ANKRD2: variants seen among roughly 807,000 people sequenced by gnomAD.
The protein encoded by ANKRD2 is ankyrin repeat domain-containing protein 2.
In ANKRD2, 35 loss-of-function variants were observed where a neutral mutation model predicts 37.3. That is an observed-to-expected ratio of 0.94 (90% CI 0.72 to 1.24). The LOEUF is 1.24. ANKRD2 is among the 50% of genes most tolerant of loss of function. The pLI, the probability that ANKRD2 is intolerant of heterozygous loss-of-function variation, is 0.00. For synonymous variants in ANKRD2, 159 were observed against 186.5 expected, an observed-to-expected ratio of 0.85 and a Z score of 1.20; for missense variants, 410 against 445.6, an observed-to-expected ratio of 0.92 and a Z score of 0.72.
At position 97,578,604 on chromosome 10, in the gene ANKRD2, A is replaced by C; in HGVS notation, c.455A>C (p.Gln152Pro). The C allele has an allele frequency of 6.4e-7, 1 of 1,553,280 alleles. No individual in the cohort carries two copies. The highest frequency in any genetic ancestry group is 8.7e-7 in the Non-Finnish European group (1 of 1,147,910). ...GGGGGGTCAGCCGACACGTGCGACC[A>C]GGTGATGCTCCTAGCCGCCCCTGAC... ...ADGGSADTCD[Q>P]FRRTALHRAS... is the part of the protein sequence containing the mutation. Residue 152 changes from glutamine (Q) to proline (P), a missense_variant and splice_region_variant, in exon 4 of 9, where the codon CAG becomes CCG. By Grantham distance (76) the Gln-to-Pro change is moderately conservative. Transcript: ENST00000370655.
At position 97,578,578 on chromosome 10, in the gene ANKRD2, C is replaced by CG. The variant is rs776347534; in HGVS notation, c.435dup (p.Ser146ValfsTer31). The CG allele has an allele frequency of 1.9e-5, 30 of 1,561,684 alleles. 2 individuals carry two copies. In the Middle Eastern group the frequency reaches 3.5e-3, roughly 183 times the overall value. On this transcript the variant is annotated frameshift_variant, in exon 4 of 9. Coordinates refer to ENST00000370655, the MANE Select transcript of ANKRD2 (RefSeq NM_001346793.2). LOFTEE classifies it high-confidence loss of function. ...AGGTCATTGAGAAGTTCCTGGCTGA[C>CG]GGGGGGTCAGCCGACACGTGCGACC...
At chr10:97,574,388 G>C (rs2040798115) in intron 1 of ANKRD2, among the ~76,000 whole-genome samples, 1 of 152,190 alleles carries the variant, frequency 6.6e-6, no homozygotes, top group Non-Finnish European at 1.5e-5. Flanking sequence ...CCAGCCTCAG[G>C]AAATGCAGGA....
chr10:97,573,654 T>C (rs1266183804), intron 1 of ANKRD2, among the ~76,000 whole-genome samples: 1 of 152,186 alleles, frequency 6.6e-6, no homozygotes, highest in African/African-American at 2.4e-5. Context: ...CTCAAACTCC[T>C]GGCCTCAGAT....
At chr10:97,572,751 A>C (rs1309114710), upstream of ANKRD2, 1 of 1,604,660 alleles carries the variant, frequency 6.2e-7, no homozygotes, top group Non-Finnish European at 8.5e-7. Flanking sequence ...GCTCTGGCCT[A>C]TAAAGCCCCC....
intron 1 of ANKRD2, among the ~76,000 whole-genome samples, chr10:97,577,028 C>G (rs577083109): frequency 6.7e-6 from 1 of 149,438 alleles, no homozygotes; most frequent in Admixed American, 6.7e-5. Flanking sequence ...GTCATTCTCT[C>G]TCTCTCTCAC....
chr10:97,580,748 C>T (rs2040886373), intron 4 of ANKRD2, 107 bp from the exon 5 acceptor site: 2 of 787,066 alleles, frequency 2.5e-6, no homozygotes, highest in Non-Finnish European at 4.1e-6. Context: ...GGGCCAAGCA[C>T]AGGGGTGAGA....
upstream of ANKRD2, chr10:97,572,555 T>A (rs2040770455): frequency 1.0e-6 from 1 of 958,230 alleles, no homozygotes; most frequent in African/African-American, 1.6e-5. Context: ...GCACCCCTGC[T>A]CTTGGGACAC....
At chr10:97,578,144 G>GGCCAC in intron 2 of ANKRD2, 96 bp from the exon 3 acceptor site, 1 of 685,446 alleles carries the variant, frequency 1.5e-6, no homozygotes, top group Non-Finnish European at 2.5e-6. Flanking sequence ...GGGTCTTCCT[G>GGCCAC]CCCACCCCAC....
chr10:97,577,575 T>C (rs1371051043), intron 1 of ANKRD2, among the ~76,000 whole-genome samples: 1 of 152,166 alleles, frequency 6.6e-6, no homozygotes, highest in Non-Finnish European at 1.5e-5. Flanking sequence ...AGTGGGCAGG[T>C]GTCTGAGCTC....
At position 97,576,940 on chromosome 10, in the gene ANKRD2, C is replaced by T. The variant is rs540205566; in HGVS notation, c.88-860C>T. On this transcript the variant is annotated intron_variant, in intron 1 of 8. Transcript: ENST00000370655. The stretch of plus-strand genomic sequence containing the variant: ...CTCGAACTCCTGGGCTCAAGCAATC[C>T]ACCTGCCTCGGCCTCCCAAAGTGCT... Among the ~76,000 whole-genome samples, 3 of 152,176 alleles carry T rather than the reference C, an allele frequency of 2.0e-5. No individual in the cohort carries two copies. In the East Asian group the frequency reaches 5.8e-4, roughly 29 times the overall value.
chr10:97,581,462 G>T, intron 6 of ANKRD2, 48 bp downstream of exon 6: 1 of 1,590,472 alleles, frequency 6.3e-7, no homozygotes, highest in Non-Finnish European at 8.6e-7. Flanking sequence ...TGGCTGTGGG[G>T]AGAAAGGCAG....
chr10:97,578,472 C>G, intron 3 of ANKRD2, 26 bp from the exon 4 acceptor site: 1 of 1,595,542 alleles, frequency 6.3e-7, no homozygotes, highest in Non-Finnish European at 8.5e-7. Context: ...TGGGACGGCC[C>G]GTGACTGCTG....
rs377348889 is a variant in ANKRD2 at position 97,583,554 on chromosome 10, C to T, written c.853-22C>T. 473 of 1,570,934 alleles carry T rather than the reference C, an allele frequency of 3.0e-4. 2 individuals carry two copies. The Middle Eastern group carries it at 9.8e-3, about 32-fold the overall frequency. On this transcript the variant is annotated intron_variant, in intron 8 of 8. Coordinates refer to ENST00000370655, the MANE Select transcript of ANKRD2 (RefSeq NM_001346793.2). ...ACAGATTTTCTCTTGCCAACCCCCA[C>T]GCCCCGTCCCGCCCCCTCCAGGCAG...
chr10:97,580,755 G>T lies in ANKRD2; in HGVS notation c.457-100G>T, dbSNP rs144289820. 3.5e-3 allele frequency: 2,962 copies of T among 838,634 alleles called. 9 individuals carry two copies. The highest frequency in any genetic ancestry group is 4.5e-3 in the Non-Finnish European group (2,374 of 528,484). 51.9% of individuals were successfully genotyped at this position (838,634 alleles called of 1,614,324 possible). On this transcript the variant is annotated intron_variant, in intron 4 of 8. Transcript: ENST00000370655. ...AAACATGGGGGCCAAGCACAGGGGT[G>T]AGAATCAAGCTGGGGGGAAGGCCTG...
chr10:97,572,794 C>T lies in ANKRD2; in HGVS notation c.6C>T (p.Asp2=), dbSNP rs762142474. The T allele has an allele frequency of 2.6e-5, 42 of 1,586,888 alleles. No individual in the cohort carries two copies. Among genetic ancestry groups the T allele is most frequent in the African/African-American group, 4.0e-5 (3 of 74,582 alleles). The change falls in exon 1 of 9, where the codon GAC becomes GAT. Residue 2 remains aspartate, a synonymous_variant. Coordinates refer to ENST00000370655, the MANE Select transcript of ANKRD2 (RefSeq NM_001346793.2). ...TGTGGCCTGCAGAGGCGGTTATGGA[C>T]GGCACCATGGAGGACTCCGAGGCGG... M[D]GTMEDSEAVQ...
chr10:97,572,523 G>A (rs943484062), upstream of ANKRD2: 2 of 714,722 alleles, frequency 2.8e-6, no homozygotes, highest in African/African-American at 1.8e-5. Flanking sequence ...GCTCAGGACA[G>A]AGGCTGGACG....
chr10:97,574,062 G>T (rs1174827241), intron 1 of ANKRD2, among the ~76,000 whole-genome samples: 4 of 152,100 alleles, frequency 2.6e-5, no homozygotes, highest in African/African-American at 9.7e-5. Flanking sequence ...GAGGTGGGCA[G>T]ATCACTTGAA....
Position 97,580,862 on chromosome 10 carries a change from G to C in ANKRD2, c.464G>C (p.Arg155Pro), listed in dbSNP as rs144335975. 6.2e-7 allele frequency: 1 copy of C among 1,610,486 alleles called. No individual in the cohort carries two copies. The highest frequency in any genetic ancestry group is 8.5e-7 in the Non-Finnish European group (1 of 1,178,650). The change falls in exon 5 of 9, where the codon CGG becomes CCG. Residue 155 changes from arginine (R) to proline (P), a missense_variant. Coordinates refer to ENST00000370655, the MANE Select transcript of ANKRD2 (RefSeq NM_001346793.2). ...CAGCCTCTCTGGGGACAGTTCCGTC[G>C]GACAGCACTGCACCGAGCTTCCCTG... Reference protein sequence around the residue: ...GSADTCDQFRRTALHRASLEG... With the variant: ...GSADTCDQFRPTALHRASLEG...
intron 2 of ANKRD2, 33 bp from the exon 3 acceptor site, chr10:97,578,207 C>A (rs552282155): frequency 6.2e-7 from 1 of 1,600,940 alleles, no homozygotes; most frequent in African/African-American, 1.3e-5. Context: ...ACTCTCTGCC[C>A]GGCCTGGGGG....
Sources: gnomAD v4.1 joint callset for allele counts (sites outside exome capture counted in the v4.1 genomes callset) on GRCh38, gnomAD v4.1.1 for gene constraint, MANE v1.5 for transcripts, NCBI Gene and HGNC (gene_info 2026-07-23, HGNC 2026-07-21) for gene names.